ZNF331: variants seen among roughly 807,000 people sequenced by gnomAD.
The protein encoded by ZNF331 is zinc finger protein 331.
ZNF331 carries 2 observed loss-of-function variants against 7.0 expected under a neutral mutation model. That is an observed-to-expected ratio of 0.29 (90% CI 0.12 to 0.90). The LOEUF (loss-of-function observed/expected upper bound fraction) is 0.90, where lower values mean the gene tolerates loss of function less well. Among genes scored for constraint, ZNF331 ranks in the 40% least tolerant of loss-of-function variants. The pLI, the probability that ZNF331 is intolerant of heterozygous loss-of-function variation, is 0.58. For missense variants in ZNF331, 432 were observed against 587.7 expected, an observed-to-expected ratio of 0.74 and a Z score of 2.74; for synonymous variants, 196 against 205.4, an observed-to-expected ratio of 0.95 and a Z score of 0.39.
intron 4 of ZNF331, among the ~76,000 whole-genome samples, chr19:53,570,721 G>A (rs113190039): frequency 2.4e-3 from 364 of 151,816 alleles, no homozygotes; most frequent in African/African-American, 8.3e-3. Context: ...AAGTAGAGAC[G>A]AGGTTTCTGC....
At chr19:53,514,878 C>A (rs2086866573), upstream of ZNF331, among the ~76,000 whole-genome samples, 1 of 152,192 alleles carries the variant, frequency 6.6e-6, no homozygotes, top group African/African-American at 2.4e-5. Context: ...TCTTGATCTC[C>A]TGACCTCCTG....
intron 2 of ZNF331, among the ~76,000 whole-genome samples, chr19:53,548,232 C>T (rs939769761): frequency 2.5e-4 from 38 of 152,094 alleles, no homozygotes; most frequent in African/African-American, 8.4e-4. Context: ...CCTCAGCCTC[C>T]GAGTAGCTGG....
At chr19:53,561,656 C>T (rs1319992213) in intron 3 of ZNF331, among the ~76,000 whole-genome samples, 1 of 152,020 alleles carries the variant, frequency 6.6e-6, no homozygotes, top group Admixed American at 6.6e-5. Context: ...AGTTTGAGAC[C>T]AACCTGAGCA....
intron 2 of ZNF331, among the ~76,000 whole-genome samples, chr19:53,546,853 C>T (rs1457231250): frequency 6.6e-6 from 1 of 152,072 alleles, no homozygotes; most frequent in East Asian, 1.9e-4. Flanking sequence ...CTTCTTTGGG[C>T]GGACAGCTTC....
In ZNF331 at chr19:53,533,112, T is replaced by C. The variant is rs148217199; in HGVS notation, c.-204-6104T>C. Among the ~76,000 whole-genome samples, 67 of 152,104 alleles carry C rather than the reference T, an allele frequency of 4.4e-4. 2 individuals carry two copies. The East Asian group carries it at 7.7e-3, about 18-fold the overall frequency. The stretch of plus-strand genomic sequence containing the variant: ...AATGTTTGTTTAAGGTCTTTCTCCT[T>C]TCTTAATGTAGGTGTTTATTGCTAT... On this transcript the variant is annotated intron_variant, in intron 2 of 6. Coordinates refer to the ZNF331 transcript ENST00000253144.
chr19:53,532,195 G>A (rs567689993), intron 2 of ZNF331, among the ~76,000 whole-genome samples: 3 of 152,140 alleles, frequency 2.0e-5, no homozygotes, highest in South Asian at 2.1e-4. Context: ...AAATAGATAC[G>A]CAGAATTTAT....
rs541505295 is a variant in ZNF331, at chr19:53,558,044, A to C, written c.-74+2136A>C. On this transcript the variant is annotated intron_variant, in intron 3 of 5. Coordinates refer to ENST00000449416, the MANE Select transcript of ZNF331 (RefSeq NM_001079906.2). This position sits in a 1 kb window ranked among gnomAD's most constrained non-coding sequence, Gnocchi z 4.5. ...ACATCAGCCGGATGTCCTGCAGTTCAGTTCTGACACCATCTACCTGGAGAT... is the reference window on the plus strand; with the variant it reads ...ACATCAGCCGGATGTCCTGCAGTTCCGTTCTGACACCATCTACCTGGAGAT... Among the ~76,000 whole-genome samples, 11 of 152,284 alleles carry C rather than the reference A, an allele frequency of 7.2e-5. No individual in the cohort carries two copies. The South Asian group carries it at 2.3e-3, about 32-fold the overall frequency.
chr19:53,556,692 C>T (rs1288230952), intron 3 of ZNF331, among the ~76,000 whole-genome samples: 3 of 151,974 alleles, frequency 2.0e-5, no homozygotes, highest in Non-Finnish European at 4.4e-5. Flanking sequence ...GGCTGGAGTG[C>T]GGTGGTGTGA....
intron 3 of ZNF331, among the ~76,000 whole-genome samples, chr19:53,568,423 T>C (rs959179749): frequency 3.9e-5 from 6 of 152,132 alleles, no homozygotes; most frequent in Admixed American, 6.6e-5. Flanking sequence ...GAAGTTTTTA[T>C]TGGGGCCTCA....
At chr19:53,553,333 A>G (rs1395928894) in intron 2 of ZNF331, among the ~76,000 whole-genome samples, 1 of 152,082 alleles carries the variant, frequency 6.6e-6, no homozygotes, top group Admixed American at 6.5e-5. Context: ...AATTTGCATA[A>G]CATCAATGGA....
chr19:53,540,995 C>T (rs900483716), intron 2 of ZNF331, among the ~76,000 whole-genome samples: 7 of 152,256 alleles, frequency 4.6e-5, no homozygotes, highest in African/African-American at 2.4e-5. Context: ...AATTTTAGTC[C>T]GCCTGCAACC....
intron 2 of ZNF331, among the ~76,000 whole-genome samples, chr19:53,530,449 T>G (rs10414430): frequency 0.25 from 36,883 of 146,352 alleles, 6,045 homozygotes; most frequent in African/African-American, 0.43. Flanking sequence ...CGGATGTCGA[T>G]TTATAACCAA....
the ZNF331 span, chr19:53,511,863 T>C: frequency 6.6e-6 from 1 of 152,190 alleles, no homozygotes; most frequent in Non-Finnish European, 1.5e-5. Context: ...ACAGCAAATA[T>C]CTCACACGAA....
rs553376475 is a variant in ZNF331 at position 53,579,081 on chromosome 19, G to A, written c.*1129G>A. The A allele has an allele frequency of 1.0e-5, 2 of 193,158 alleles. No individual in the cohort carries two copies. The highest frequency in any genetic ancestry group is 2.3e-5 in the African/African-American group (1 of 43,104). The allele number at this position is 193,158 out of a possible 1,614,324, so 12.0% of individuals were successfully genotyped here. A position where few individuals can be genotyped will look rare whatever the true frequency, so the allele number is the denominator to read the frequency against. On this transcript the variant is annotated 3_prime_UTR_variant, in exon 6 of 6. Transcript: ENST00000449416. ...CCCAAAGTGCTAGGATTACAGGCGT[G>A]AGCCACTGCACCTAGCCCACTGATC...
upstream of ZNF331, among the ~76,000 whole-genome samples, chr19:53,519,274 T>A (rs2086981795): frequency 6.6e-6 from 1 of 152,110 alleles, no homozygotes; most frequent in South Asian, 2.1e-4. Flanking sequence ...CAACAGCATA[T>A]ATTTTTTAGG....
Position 53,571,541 on chromosome 19 carries a change from G to A in ZNF331, c.10-63G>A. The A allele has an allele frequency of 6.3e-7, 1 of 1,593,506 alleles. No homozygotes were observed. Reference sequence around the variant, plus strand: ...CACCCTACCCAGAGGGTGGCCTCCTGTCTCCTTCATCTGGAAGCTGTTTCC... The same window carrying A: ...CACCCTACCCAGAGGGTGGCCTCCTATCTCCTTCATCTGGAAGCTGTTTCC... On this transcript the variant is annotated intron_variant, in intron 4 of 5. Coordinates refer to ENST00000449416, the MANE Select transcript of ZNF331 (RefSeq NM_001079906.2). The surrounding 1 kb of genome is among the most constrained non-coding windows in gnomAD (Gnocchi z 4.7).
At chr19:53,528,059 C>G (rs1429580378) in intron 2 of ZNF331, among the ~76,000 whole-genome samples, 1 of 152,198 alleles carries the variant, frequency 6.6e-6, no homozygotes, top group Non-Finnish European at 1.5e-5. Context: ...TTACACGAAT[C>G]TCCCATATCA....
At chr19:53,529,235 A>T (rs934280006) in intron 2 of ZNF331, among the ~76,000 whole-genome samples, 2 of 151,962 alleles carry the variant, frequency 1.3e-5, no homozygotes, top group Non-Finnish European at 2.9e-5. Context: ...CCCCGTCTCT[A>T]CTAAAAATAC....
Position 53,540,394 on chromosome 19 carries a change from T to G in ZNF331, c.-138+1112T>G, listed in dbSNP as rs563766710. ...GTGCTTGGAGGCTCTTTGGCAGAGC[T>G]CTAGGAGGTGTGTGTGCTTGGAGGC... On this transcript the variant is annotated intron_variant, in intron 2 of 5. Transcript: ENST00000449416. Among the ~76,000 whole-genome samples, 284 of 152,014 alleles carry G rather than the reference T, an allele frequency of 1.9e-3. 3 individuals carry two copies. Among genetic ancestry groups the G allele is most frequent in the Non-Finnish European group, 9.3e-4 (63 of 67,992 alleles).
Sources: allele counts gnomAD v4.1 joint callset (sites outside exome capture counted in the v4.1 genomes callset), GRCh38; gene constraint gnomAD v4.1.1; non-coding constraint Gnocchi (gnomAD v3.1); transcripts MANE v1.5; gene names NCBI Gene and HGNC (gene_info 2026-07-23, HGNC 2026-07-21).